PIGN: variants seen among roughly 807,000 people sequenced by gnomAD.
The protein encoded by PIGN is phosphatidylinositol glycan anchor biosynthesis class N.
A neutral mutation model predicts 125.4 loss-of-function variants in PIGN; 117 were observed. The observed-to-expected ratio is 0.93, with a 90% CI of 0.80 to 1.09. The LOEUF is 1.09. Among genes scored for constraint, PIGN ranks in the 50% least tolerant of loss-of-function variants. The pLI is 0.00. For missense variants in PIGN, 1,075 were observed against 1,094.9 expected, an observed-to-expected ratio of 0.98 and a Z score of 0.26; for synonymous variants, 392 against 377.8, an observed-to-expected ratio of 1.04 and a Z score of -0.44.
At chr18:62,079,139 T>C (rs1369983681) in intron 28 of PIGN, among the ~76,000 whole-genome samples, 1 of 152,230 alleles carries the variant, frequency 6.6e-6, no homozygotes, top group Non-Finnish European at 1.5e-5. Flanking sequence ...GCCCTTTGTA[T>C]GTTTCACTCC....
rs1568260107 is a variant in PIGN, at chr18:62,175,080, A to ATAAT, written c.-235-11425_-235-11424insATTA. On this transcript the variant is annotated intron_variant, in intron 1 of 30. Coordinates refer to ENST00000640252, the MANE Select transcript of PIGN (RefSeq NM_176787.5). ...TTATATATAATAAATATATATATTT[A>ATAAT]ATATATCTAATATATATAATGTTTA... Among the ~76,000 whole-genome samples the ATAAT allele has an allele frequency of 5.9e-4, 86 of 145,974 alleles. No individual in the cohort carries two copies. In the East Asian group the frequency reaches 0.014, roughly 23 times the overall value.
At chr18:62,135,373 A>G (rs2035886199) in intron 14 of PIGN, among the ~76,000 whole-genome samples, 1 of 152,110 alleles carries the variant, frequency 6.6e-6, no homozygotes, top group African/African-American at 2.4e-5. Context: ...GTCTACAGGC[A>G]GGGCTGGTCA....
At position 62,068,442 on chromosome 18, in the gene PIGN, T is replaced by A. The variant is rs77199103; in HGVS notation, c.2672+4231A>T. 3.2e-3 allele frequency among the ~76,000 whole-genome samples: 485 copies of A among 152,292 alleles called. 2 individuals are homozygous for A. The highest frequency in any genetic ancestry group is 0.012 in the South Asian group (58 of 4,818). Reference sequence around the variant, plus strand: ...GCTGATAGTCCTTCTCCCACTCTTTTCATTTTGCTAAGTTTGTTTATTTTT... The same window carrying A: ...GCTGATAGTCCTTCTCCCACTCTTTACATTTTGCTAAGTTTGTTTATTTTT... On this transcript the variant is annotated intron_variant, in intron 30 of 30. Coordinates refer to ENST00000640252, the MANE Select transcript of PIGN (RefSeq NM_176787.5).
At chr18:62,142,970 C>G (rs1317222601) in intron 11 of PIGN, among the ~76,000 whole-genome samples, 1 of 152,112 alleles carries the variant, frequency 6.6e-6, no homozygotes, top group African/African-American at 2.4e-5. Context: ...AAACCCATAA[C>G]AGGAATTTTA....
In PIGN at chr18:62,119,843, CAA is replaced by C. The variant is rs112645000; in HGVS notation, c.1173-5206_1173-5205del. Among the ~76,000 whole-genome samples the C allele has an allele frequency of 6.8e-4, 88 of 129,636 alleles. No homozygotes were observed. In the South Asian group the frequency reaches 6.9e-3, roughly 10 times the overall value. 85.0% of individuals were successfully genotyped at this position (129,636 alleles called of 152,430 possible). ...TGGGCAACAGAGTGAGACTCTGTCT[CAA>C]AAAAAAAAAAGAAAGAAAGAAAGAA... On this transcript the variant is annotated intron_variant, in intron 14 of 30. Coordinates refer to ENST00000640252, the MANE Select transcript of PIGN (RefSeq NM_176787.5).
At chr18:62,060,606 CATT>C (rs1442367478) in intron 30 of PIGN, among the ~76,000 whole-genome samples, 1 of 152,006 alleles carries the variant, frequency 6.6e-6, no homozygotes, top group East Asian at 1.9e-4. Flanking sequence ...TTTGAGTTCT[CATT>C]ATATCAAAAG....
intron 30 of PIGN, among the ~76,000 whole-genome samples, chr18:62,050,415 T>A (rs1196333900): frequency 6.6e-6 from 1 of 152,144 alleles, no homozygotes; most frequent in Non-Finnish European, 1.5e-5. Flanking sequence ...AGGTCCTTCA[T>A]GTCCCATGTA....
intron 30 of PIGN, among the ~76,000 whole-genome samples, chr18:62,071,993 A>G (rs1213531172): frequency 1.4e-5 from 2 of 147,180 alleles, no homozygotes; most frequent in African/African-American, 5.0e-5. Flanking sequence ...AGCTCCATGC[A>G]TGTTATTGCC....
chr18:62,072,586 T>A (rs1167138340), intron 30 of PIGN, 87 bp downstream of exon 30: 1 of 1,008,894 alleles, frequency 9.9e-7, no homozygotes, highest in African/African-American at 1.6e-5. Context: ...TACTCTGTGA[T>A]GTTTGCACAG....
At chr18:62,030,261 G>C (rs569415196) in intron 23 of PIGN, among the ~76,000 whole-genome samples, 2 of 152,328 alleles carry the variant, frequency 1.3e-5, no homozygotes, top group East Asian at 3.9e-4. Context: ...GCCTGTGGTG[G>C]TATGTCTAAC....
downstream of PIGN, among the ~76,000 whole-genome samples, chr18:62,039,166 T>C (rs7239197): frequency 0.087 from 13,261 of 151,978 alleles, 1,911 homozygotes; most frequent in African/African-American, 0.3. Context: ...TGTAAAATTA[T>C]GTGTATAGAG....
chr18:62,130,292 A>C (rs2035684680), intron 14 of PIGN, among the ~76,000 whole-genome samples: 1 of 152,206 alleles, frequency 6.6e-6, no homozygotes, highest in Non-Finnish European at 1.5e-5. Flanking sequence ...TCTTCCTATC[A>C]ACTGCCCAAA....
At chr18:62,174,129 A>G (rs4245288) in intron 1 of PIGN, among the ~76,000 whole-genome samples, 88,022 of 151,154 alleles carry the variant, frequency 0.58, 26,411 homozygotes, top group East Asian at 0.78. Flanking sequence ...CAGGAAAATC[A>G]CTTGAATCTG....
At chr18:62,124,922 A>C (rs1365553946) in intron 14 of PIGN, among the ~76,000 whole-genome samples, 1 of 151,592 alleles carries the variant, frequency 6.6e-6, no homozygotes, top group Non-Finnish European at 1.5e-5. Flanking sequence ...TCGTCAAAAA[A>C]CATGTAATTA....
chr18:62,085,454 T>C (rs2033652722), intron 25 of PIGN, among the ~76,000 whole-genome samples, 190 bp from the exon 26 acceptor site: 1 of 152,202 alleles, frequency 6.6e-6, no homozygotes, highest in Non-Finnish European at 1.5e-5. Context: ...GAAGAGGCTG[T>C]GTACCGAGAA....
chr18:62,067,218 C>A (rs1488764856), intron 30 of PIGN, among the ~76,000 whole-genome samples: 1 of 152,134 alleles, frequency 6.6e-6, no homozygotes, highest in Non-Finnish European at 1.5e-5. Flanking sequence ...GTTGTTTATG[C>A]ATGCACCCAT....
At chr18:62,161,904 T>C (rs2036966104) in intron 3 of PIGN, among the ~76,000 whole-genome samples, 1 of 152,180 alleles carries the variant, frequency 6.6e-6, no homozygotes, top group South Asian at 2.1e-4. Flanking sequence ...TTTTTTCTTC[T>C]TACTTTGGTA....
rs1323193172 is a variant in PIGN at position 62,090,518 on chromosome 18, T to C, written c.2241A>G (p.Glu747=). 26 of 1,611,278 alleles carry C rather than the reference T, an allele frequency of 1.6e-5. No individual in the cohort carries two copies. Among genetic ancestry groups the C allele is most frequent in the Non-Finnish European group, 2.0e-5 (24 of 1,178,506 alleles). ...SCLMFVWINI[E]QETLQQSGVC... ...CACCAGATTGTTGTAGAGTTTCTTGTTCTATGTTTATCCAGACAAACATCA... is the reference window on the plus strand; with the variant it reads ...CACCAGATTGTTGTAGAGTTTCTTGCTCTATGTTTATCCAGACAAACATCA... Residue 747 remains glutamate (E), a synonymous_variant, in exon 24 of 31, where the codon GAA becomes GAG. Coordinates refer to ENST00000640252, the MANE Select transcript of PIGN (RefSeq NM_176787.5).
chr18:62,021,781 G>T (rs897608767), intron 23 of PIGN, among the ~76,000 whole-genome samples: 20 of 152,126 alleles, frequency 1.3e-4, no homozygotes, highest in Admixed American at 6.6e-5. Context: ...AGTTTCTATA[G>T]GTCAGAAGTT....
Sources: gnomAD v4.1 joint callset for allele counts (sites outside exome capture counted in the v4.1 genomes callset) on GRCh38, gnomAD v4.1.1 for gene constraint, MANE v1.5 for transcripts, NCBI Gene and HGNC (gene_info 2026-07-23, HGNC 2026-07-21) for gene names.